The following RAB6C variants were observed in gnomAD, a reference collection of about 807,000 sequenced individuals.
The protein encoded by RAB6C is RAB6C, member RAS oncogene family.
In RAB6C, 8 loss-of-function variants were observed where a neutral mutation model predicts 17.2. The ratio of observed to expected loss-of-function variants is 0.46; its 90% CI spans 0.27 to 0.84. The LOEUF (loss-of-function observed/expected upper bound fraction) is 0.84. Ranked by LOEUF, RAB6C falls within the 40% of genes least tolerant of loss-of-function variation. The probability of loss-of-function intolerance (pLI) is 0.13; values close to 1 mark genes in which losing one functional copy is unlikely to be tolerated. For synonymous variants in RAB6C, 78 were observed against 118.9 expected (o/e 0.66, Z 2.24); for missense variants, 151 against 306.5 (o/e 0.49, Z 3.79).
Position 129,980,523 on chromosome 2 carries a change from G to A in RAB6C, c.408G>A (p.Val136=), listed in dbSNP as rs1360781414. Residue 136 remains valine (V), a synonymous_variant, in exon 1 of 1, where the codon GTG becomes GTA. Transcript: ENST00000410061. The part of the protein sequence containing the change: ...NRTDLADKRQ[V]SVEEGERKAK... ...CAGATCTTGCTGACAAGAGGCAAGT[G>A]TCAGTTGAGGAGGGAGAGAGGAAAG... The A allele has an allele frequency of 6.2e-7, 1 of 1,614,232 alleles. No individual in the cohort carries two copies.
At position 129,979,774 on chromosome 2, in the gene RAB6C, C is replaced by T; in HGVS notation, c.-342C>T. 3 of 423,686 alleles carry T rather than the reference C, an allele frequency of 7.1e-6. No individual in the cohort carries two copies. Among genetic ancestry groups the T allele is most frequent in the South Asian group, 3.6e-5 (1 of 28,010 alleles). The allele number at this position is 423,686 out of a possible 1,614,324, so 26.2% of individuals were successfully genotyped here. A position where few individuals can be genotyped will look rare whatever the true frequency, so the allele number is the denominator to read the frequency against. ...GGCTCCGCCACCCTCCGTCTCTCTCCCGCAGGTCTCTGAGCCGGGTGCGGA... is the reference window on the plus strand; with the variant it reads ...GGCTCCGCCACCCTCCGTCTCTCTCTCGCAGGTCTCTGAGCCGGGTGCGGA... On this transcript the variant is annotated 5_prime_UTR_variant, in exon 1 of 1. Coordinates refer to ENST00000410061, the MANE Select transcript of RAB6C (RefSeq NM_032144.3).
In RAB6C at chr2:129,979,996, T is replaced by G; in HGVS notation, c.-120T>G. On this transcript the variant is annotated 5_prime_UTR_variant, in exon 1 of 1. Transcript: ENST00000410061. ...CCAGCCGGGCTCCTCCACCGGCCCT[T>G]GCAGGGGCGCAGAGAGCTCGGCGCC... 2 of 1,468,144 alleles carry G rather than the reference T, an allele frequency of 1.4e-6. No individual in the cohort carries two copies. Among genetic ancestry groups the G allele is most frequent in the South Asian group, 2.8e-5 (2 of 71,602 alleles). The allele number at this position is 1,468,144 out of a possible 1,614,324, so 90.9% of individuals were successfully genotyped here.
At position 129,981,801 on chromosome 2, in the gene RAB6C, C is replaced by T. The variant is rs1040996879; in HGVS notation, c.*921C>T. 3.6e-5 allele frequency: 6 copies of T among 167,080 alleles called. No homozygotes were observed. Among genetic ancestry groups the T allele is most frequent in the African/African-American group, 1.4e-4 (6 of 41,452 alleles). The allele number at this position is 167,080 out of a possible 1,614,324, so 10.3% of individuals were successfully genotyped here. On this transcript the variant is annotated 3_prime_UTR_variant, in exon 1 of 1. Coordinates refer to ENST00000410061, the MANE Select transcript of RAB6C (RefSeq NM_032144.3). ...ACTGAATTAGCAGAAATAACGATATCTAAAGCTTACCAGCAAAAGAACCCT... is the reference window on the plus strand; with the variant it reads ...ACTGAATTAGCAGAAATAACGATATTTAAAGCTTACCAGCAAAAGAACCCT...
In RAB6C at chr2:129,979,765, G is replaced by A. The variant is rs1294080220; in HGVS notation, c.-351G>A. ...TGCGGTTTGGGCTCCGCCACCCTCC[G>A]TCTCTCTCCCGCAGGTCTCTGAGCC... On this transcript the variant is annotated 5_prime_UTR_variant, in exon 1 of 1. Transcript: ENST00000410061. 7.6e-6 allele frequency: 3 copies of A among 394,886 alleles called. No homozygotes were observed. Among genetic ancestry groups the A allele is most frequent in the South Asian group, 4.2e-5 (1 of 23,592 alleles). The allele number at this position is 394,886 out of a possible 1,614,324, so 24.5% of individuals were successfully genotyped here.
In RAB6C at chr2:129,981,771, A is replaced by G. The variant is rs1048056823; in HGVS notation, c.*891A>G. The G allele has an allele frequency of 3.0e-5, 5 of 167,154 alleles. No individual in the cohort carries two copies. Among genetic ancestry groups the G allele is most frequent in the African/African-American group, 1.2e-4 (5 of 41,474 alleles). 10.4% of individuals were successfully genotyped at this position (167,154 alleles called of 1,614,324 possible). A position where few individuals can be genotyped will look rare whatever the true frequency, so the allele number is the denominator to read the frequency against. ...GAATTTAAATTTGGCACTACGATCA[A>G]AACTACTGAATTAGCAGAAATAACG... On this transcript the variant is annotated 3_prime_UTR_variant, in exon 1 of 1. Coordinates refer to ENST00000410061, the MANE Select transcript of RAB6C (RefSeq NM_032144.3).
rs1188533785 is a variant in RAB6C at position 129,982,565 on chromosome 2, T to G, written c.*1685T>G. Reference sequence around the variant, plus strand: ...TCAGAGAGCACTTGGATTATGGATCTGAATAGAGAAATGCTTACAGATAAT... The same window carrying G: ...TCAGAGAGCACTTGGATTATGGATCGGAATAGAGAAATGCTTACAGATAAT... On this transcript the variant is annotated 3_prime_UTR_variant, in exon 1 of 1. Coordinates refer to ENST00000410061, the MANE Select transcript of RAB6C (RefSeq NM_032144.3). The G allele has an allele frequency of 6.0e-6, 1 of 167,132 alleles. No individual in the cohort carries two copies. The highest frequency in any genetic ancestry group is 2.4e-5 in the African/African-American group (1 of 41,466). The allele number at this position is 167,132 out of a possible 1,614,324, so 10.4% of individuals were successfully genotyped here.
In RAB6C at chr2:129,980,780, C is replaced by G. The variant is rs1236454202; in HGVS notation, c.665C>G (p.Pro222Arg). 6.2e-7 allele frequency: 1 copy of G among 1,603,868 alleles called. No homozygotes were observed. The highest frequency in any genetic ancestry group is 1.3e-5 in the African/African-American group (1 of 74,174). ...TCTTCAACCCTTCCTCAGAAGCCCCCTTACTCTTTCATTGACTGCAGTGTG... is the reference window on the plus strand; with the variant it reads ...TCTTCAACCCTTCCTCAGAAGCCCCGTTACTCTTTCATTGACTGCAGTGTG... ...MSSSTLPQKP[P>R]YSFIDCSVNI... Residue 222 changes from proline (P) to arginine (R), a missense_variant, in exon 1 of 1, where the codon CCT becomes CGT. Coordinates refer to ENST00000410061, the MANE Select transcript of RAB6C (RefSeq NM_032144.3).
rs11890761 is a variant in RAB6C, at chr2:129,980,756, C to A, written c.641C>A (p.Ser214Tyr). Residue 214 changes from serine to tyrosine, a missense_variant, in exon 1 of 1, where the codon TCT becomes TAT. By Grantham distance (144) the Ser-to-Tyr change is moderately radical. Coordinates refer to ENST00000410061, the MANE Select transcript of RAB6C (RefSeq NM_032144.3). ...TGTTCCTGCTACTCTCCCATGTCAT[C>A]TTCAACCCTTCCTCAGAAGCCCCCT... ...GGCSCYSPMS[S>Y]STLPQKPPYS... 47,126 of 1,606,872 alleles carry A rather than the reference C, an allele frequency of 0.029. 2,382 individuals are homozygous for A. The highest frequency in any genetic ancestry group is 0.22 in the African/African-American group (15,956 of 74,170).
chr2:129,982,139 C>CT lies in RAB6C; in HGVS notation c.*1272dup, dbSNP rs55715552. 5.7e-3 allele frequency: 830 copies of CT among 144,842 alleles called. 2 individuals are homozygous for CT. The highest frequency in any genetic ancestry group is 0.012 in the Middle Eastern group (3 of 260). 9.0% of individuals were successfully genotyped at this position (144,842 alleles called of 1,614,324 possible). ...TTTTTTCTTTGGCGATATTTCTTTG[C>CT]TTTTTTTTTTTTTAACAACTTTCCA... On this transcript the variant is annotated 3_prime_UTR_variant, in exon 1 of 1. Transcript: ENST00000410061.
In RAB6C at chr2:129,982,487, C is replaced by G. The variant is rs1681784595; in HGVS notation, c.*1607C>G. On this transcript the variant is annotated 3_prime_UTR_variant, in exon 1 of 1. Coordinates refer to ENST00000410061, the MANE Select transcript of RAB6C (RefSeq NM_032144.3). ...ACCTTAAACTGGGAGAACCTTAGTC[C>G]CCTCTCTTTCCTCTTCCTCCTCCAC... 6.0e-6 allele frequency: 1 copy of G among 167,022 alleles called. No individual in the cohort carries two copies. Among genetic ancestry groups the G allele is most frequent in the South Asian group, 2.1e-4 (1 of 4,818 alleles). The allele number at this position is 167,022 out of a possible 1,614,324, so 10.3% of individuals were successfully genotyped here.
At position 129,980,957 on chromosome 2, in the gene RAB6C, A is replaced by G. The variant is rs2104958517; in HGVS notation, c.*77A>G. ...TTACAAAAAGCCAAATTATTTCAGCATATTCCGGTGATAACTTTAAAAATT... is the reference window on the plus strand; with the variant it reads ...TTACAAAAAGCCAAATTATTTCAGCGTATTCCGGTGATAACTTTAAAAATT... On this transcript the variant is annotated 3_prime_UTR_variant, in exon 1 of 1. Coordinates refer to ENST00000410061, the MANE Select transcript of RAB6C (RefSeq NM_032144.3). The G allele has an allele frequency of 1.3e-6, 2 of 1,523,418 alleles. No homozygotes were observed. Among genetic ancestry groups the G allele is most frequent in the Non-Finnish European group, 1.8e-6 (2 of 1,136,732 alleles). 94.4% of individuals were successfully genotyped at this position (1,523,418 alleles called of 1,614,324 possible).
At position 129,982,435 on chromosome 2, in the gene RAB6C, A is replaced by T. The variant is rs1204470795; in HGVS notation, c.*1555A>T. 1 of 167,208 alleles carries T rather than the reference A, an allele frequency of 6.0e-6. No individual in the cohort carries two copies. The highest frequency in any genetic ancestry group is 2.4e-5 in the African/African-American group (1 of 41,570). 10.4% of individuals were successfully genotyped at this position (167,208 alleles called of 1,614,324 possible). ...GAAAAGACAACAAAAGTATCTTCAT[A>T]CTTCCTCATCCCCTCATTGCAACAA... On this transcript the variant is annotated 3_prime_UTR_variant, in exon 1 of 1. Transcript: ENST00000410061.
rs55993213 is a variant in RAB6C, at chr2:129,982,073, TTAAC to T, written c.*1196_*1199del. ...TTGGTTTGTATTAGATCTGTATAGTTTAACTAGTGATTTAGTTTTATATTTAAGC... is the reference window on the plus strand; with the variant it reads ...TTGGTTTGTATTAGATCTGTATAGTTTAGTGATTTAGTTTTATATTTAAGC... On this transcript the variant is annotated 3_prime_UTR_variant, in exon 1 of 1. Transcript: ENST00000410061. 0.67 allele frequency: 99,624 copies of T among 149,754 alleles called. 31,093 individuals are homozygous for T. Among genetic ancestry groups the T allele is most frequent in the Admixed American group, 0.72 (10,604 of 14,644 alleles). The allele number at this position is 149,754 out of a possible 1,614,324, so 9.3% of individuals were successfully genotyped here.
chr2:129,980,929 A>G lies in RAB6C; in HGVS notation c.*49A>G, dbSNP rs751444809. The G allele has an allele frequency of 2.6e-6, 4 of 1,547,884 alleles. No homozygotes were observed. The highest frequency in any genetic ancestry group is 4.5e-5 in the East Asian group (2 of 44,248). ...AAAAGTCAGCGTCTTCATTATTTAT[A>G]TTTTACAAAAAGCCAAATTATTTCA... On this transcript the variant is annotated 3_prime_UTR_variant, in exon 1 of 1. Coordinates refer to ENST00000410061, the MANE Select transcript of RAB6C (RefSeq NM_032144.3).
chr2:129,981,055 C>A lies in RAB6C; in HGVS notation c.*175C>A, dbSNP rs1681755224. On this transcript the variant is annotated 3_prime_UTR_variant, in exon 1 of 1. Transcript: ENST00000410061. The stretch of plus-strand genomic sequence containing the variant: ...TACTTCAAAATGATGGAAATCTCAA[C>A]AGTATGAGTATGGCTTGGTTAACGA... 1.5e-6 allele frequency: 1 copy of A among 648,644 alleles called. No homozygotes were observed. Among genetic ancestry groups the A allele is most frequent in the African/African-American group, 1.8e-5 (1 of 54,368 alleles). The allele number at this position is 648,644 out of a possible 1,614,324, so 40.2% of individuals were successfully genotyped here.
rs746033384 is a variant in RAB6C, at chr2:129,980,685, CAT to C, written c.572_573del (p.Ile191LysfsTer36). ...ACGGAAGCAGAGAAGACATGAGTGA[CAT>C]AAAACTGGAAAAGCCTCAGGAGCAA... ...QDGSREDMSD[I>X]KLEKPQEQTV... On this transcript the variant is annotated frameshift_variant, in exon 1 of 1. Transcript: ENST00000410061. LOFTEE classifies it high-confidence loss of function. The C allele has an allele frequency of 1.2e-6, 2 of 1,608,574 alleles. No homozygotes were observed. Among genetic ancestry groups the C allele is most frequent in the African/African-American group, 2.7e-5 (2 of 74,234 alleles).
At position 129,980,524 on chromosome 2, in the gene RAB6C, T is replaced by C. The variant is rs747696723; in HGVS notation, c.409T>C (p.Ser137Pro). The C allele has an allele frequency of 6.2e-7, 1 of 1,614,166 alleles. No individual in the cohort carries two copies. Among genetic ancestry groups the C allele is most frequent in the Non-Finnish European group, 8.5e-7 (1 of 1,180,038 alleles). The change falls in exon 1 of 1, where the codon TCA becomes CCA. Residue 137 changes from serine (S) to proline (P), a missense_variant. Physicochemically the swap from Ser to Pro is moderately conservative, Grantham distance 74 (BLOSUM62 -1). This residue lies in a region of RAB6C where 136 missense variants were observed against 200.0 expected (regional missense o/e 0.68). Coordinates refer to ENST00000410061, the MANE Select transcript of RAB6C (RefSeq NM_032144.3). ...RTDLADKRQV[S>P]VEEGERKAKG... ...AGATCTTGCTGACAAGAGGCAAGTG[T>C]CAGTTGAGGAGGGAGAGAGGAAAGC...
rs1681772435 is a variant in RAB6C at position 129,981,887 on chromosome 2, AAGAC to A, written c.*1008_*1011del. On this transcript the variant is annotated 3_prime_UTR_variant, in exon 1 of 1. Transcript: ENST00000410061. ...AGGTCAAATTGAAGACGGAAGACGG[AAGAC>A]GGAAACCGGAAACCGTTTTCTTGTA... 1 of 167,002 alleles carries A rather than the reference AAGAC, an allele frequency of 6.0e-6. No individual in the cohort carries two copies. 10.3% of individuals were successfully genotyped at this position (167,002 alleles called of 1,614,324 possible). A position where few individuals can be genotyped will look rare whatever the true frequency, so the allele number is the denominator to read the frequency against.
At position 129,982,386 on chromosome 2, in the gene RAB6C, C is replaced by T. The variant is rs1434046390; in HGVS notation, c.*1506C>T. 1.8e-5 allele frequency: 3 copies of T among 167,046 alleles called. No homozygotes were observed. The highest frequency in any genetic ancestry group is 2.9e-5 in the Non-Finnish European group (2 of 68,118). The allele number at this position is 167,046 out of a possible 1,614,324, so 10.3% of individuals were successfully genotyped here. A position where few individuals can be genotyped will look rare whatever the true frequency, so the allele number is the denominator to read the frequency against. ...AAGCCTGCTGAATTTATGTTGTAAA[C>T]GTTACTTAACACAGTATAAAGATGA... On this transcript the variant is annotated 3_prime_UTR_variant, in exon 1 of 1. Coordinates refer to ENST00000410061, the MANE Select transcript of RAB6C (RefSeq NM_032144.3).
Sources: gnomAD v4.1 joint callset for allele counts on GRCh38, gnomAD v4.1.1 for gene constraint, gnomAD v4.1.1 regional missense constraint, MANE v1.5 for transcripts, NCBI Gene and HGNC (gene_info 2026-07-23, HGNC 2026-07-21) for gene names.